Variants in FLT4 observed in about 807,000 individuals in gnomAD.
The protein encoded by FLT4 is fms related receptor tyrosine kinase 4.
A neutral mutation model predicts 163.2 loss-of-function variants in FLT4; 30 were observed. The observed-to-expected ratio is 0.18, with a 90% CI of 0.14 to 0.25. The LOEUF (loss-of-function observed/expected upper bound fraction) is 0.25, where lower values mean the gene tolerates loss of function less well. Ranked by LOEUF, FLT4 falls within the 10% of genes least tolerant of loss-of-function variation. The pLI is 1.00. For synonymous variants in FLT4, 884 were observed against 789.5 expected (o/e 1.12, Z -2.01); for missense variants, 1,510 against 1,863.8 (o/e 0.81, Z 3.50).
At chr5:180,629,562 A>G in intron 6 of FLT4, 134 bp downstream of exon 6, 1 of 1,447,882 alleles carries the variant, frequency 6.9e-7, no homozygotes, top group Non-Finnish European at 9.5e-7. Flanking sequence ...CTTTGGGTGG[A>G]ACACTTGCCA....
rs1221970773 is a variant in FLT4 at position 180,612,961 on chromosome 5, C to A, written c.3431+50G>T. ...CCTTCTCATGGACACAACCCCCACG[C>A]CCCCGACGCTTGCTGTCCCCAAAAC... On this transcript the variant is annotated intron_variant, in intron 25 of 29. Transcript: ENST00000261937. 3.5e-6 allele frequency: 5 copies of A among 1,425,366 alleles called. No homozygotes were observed. In the Middle Eastern group the frequency reaches 7.2e-4, roughly 207 times the overall value. 88.3% of individuals were successfully genotyped at this position (1,425,366 alleles called of 1,614,324 possible).
chr5:180,639,378 G>GAT (rs1167892934), intron 1 of FLT4, among the ~76,000 whole-genome samples: 1 of 99,912 alleles, frequency 1.0e-5, no homozygotes, highest in East Asian at 2.9e-4. Context: ...TGAGTGGATG[G>GAT]GTGGATGGAT....
chr5:180,609,936 G>A lies in FLT4; in HGVS notation c.3776C>T (p.Pro1259Leu), dbSNP rs1762041761. Residue 1259 changes from proline to leucine, a missense_variant, in exon 28 of 30, where the codon CCC (proline) becomes CTC (leucine). Physicochemically the swap from Pro to Leu is moderately conservative, Grantham distance 98 (BLOSUM62 -3). Transcript: ENST00000261937. ...GCCTTTGTAGGTCGTTGGGGTCATG[G>A]GGAATTCCTCAAATGTCTTCATCCT... is the stretch of plus-strand genomic sequence containing the variant. ...SSRMKTFEEF[P>L]MTPTTYKGSV... 1.2e-6 allele frequency: 2 copies of A among 1,614,052 alleles called. No homozygotes were observed. The highest frequency in any genetic ancestry group is 2.7e-5 in the African/African-American group (2 of 74,924).
At chr5:180,613,984 C>A (rs1430883976) in intron 24 of FLT4, 84 bp downstream of exon 24, 1 of 955,138 alleles carries the variant, frequency 1.0e-6, no homozygotes, top group Non-Finnish European at 1.7e-6. Context: ...GGTGCCCAGT[C>A]CCTTACTCCA....
chr5:180,631,325 T>G (rs1017657841), intron 2 of FLT4, among the ~76,000 whole-genome samples: 3 of 151,936 alleles, frequency 2.0e-5, no homozygotes, highest in African/African-American at 7.2e-5. Flanking sequence ...TACAAAAAAT[T>G]AGCCGGGCGT....
chr5:180,602,402 G>A lies in FLT4; in HGVS notation c.*790C>T, dbSNP rs969980070. 4 of 372,588 alleles carry A rather than the reference G, an allele frequency of 1.1e-5. No homozygotes were observed. The highest frequency in any genetic ancestry group is 2.1e-5 in the African/African-American group (1 of 48,220). 23.1% of individuals were successfully genotyped at this position (372,588 alleles called of 1,614,324 possible). ...TCTGCTGGCCTTGACCTGGGGCGGG[G>A]GTCAGAGTCATCTAGACTCAGTACA... On this transcript the variant is annotated 3_prime_UTR_variant, in exon 30 of 30. Transcript: ENST00000261937.
At position 180,644,320 on chromosome 5, in the gene FLT4, G is replaced by A. The variant is rs368202701; in HGVS notation, c.58+5168C>T. 2.4e-4 allele frequency among the ~76,000 whole-genome samples: 36 copies of A among 152,360 alleles called. No homozygotes were observed. The South Asian group carries it at 3.5e-3, about 15-fold the overall frequency. ...CCGGGAGGGTGGAGAGGCTGTGCAC[G>A]GAGGGGCACGCCGGGCGTGTGGTGG... On this transcript the variant is annotated intron_variant, in intron 1 of 29. Transcript: ENST00000261937.
Position 180,629,318 on chromosome 5 carries a change from A to G in FLT4, c.926T>C (p.Val309Ala), listed in dbSNP as rs763486891. ...NVSQHDLGSY[V>A]CKANNGIQRF... ...CTGGATGCCGTTGTTGGCCTTGCAC[A>G]CATACGAGCCCAGGTCGTGCTGGCT... is the stretch of plus-strand genomic sequence containing the variant. Residue 309 changes from valine to alanine, a missense_variant, in exon 7 of 30, where the codon GTG (valine) becomes GCG (alanine). Val to Ala is a moderately conservative substitution (Grantham distance 64). This residue lies in a region of FLT4 where 163 missense variants were observed against 281.1 expected (regional missense o/e 0.58). Transcript: ENST00000261937. 1.9e-6 allele frequency: 3 copies of G among 1,613,196 alleles called. No homozygotes were observed. The South Asian group carries it at 3.3e-5, about 18-fold the overall frequency.
intron 1 of FLT4, among the ~76,000 whole-genome samples, chr5:180,641,439 A>G (rs1765090413): frequency 6.6e-6 from 1 of 152,110 alleles, no homozygotes; most frequent in East Asian, 1.9e-4. Context: ...GAAGACGGGG[A>G]CTGTGTGGCA....
rs1764853881 is a variant in FLT4 at position 180,638,495 on chromosome 5, G to A, written c.59-6717C>T. Among the ~76,000 whole-genome samples the A allele has an allele frequency of 2.0e-5, 3 of 152,196 alleles. No individual in the cohort carries two copies. In the South Asian group the frequency reaches 6.2e-4, roughly 32 times the overall value. ...CCCGCTCTTGTCGTCCTCCAGGCCT[G>A]CCTCTGGGCCCCGCTCCCTGCAGTG... On this transcript the variant is annotated intron_variant, in intron 1 of 29. Transcript: ENST00000261937.
At position 180,626,640 on chromosome 5, in the gene FLT4, G is replaced by A. The variant is rs563958238; in HGVS notation, c.1104-375C>T. Among the ~76,000 whole-genome samples the A allele has an allele frequency of 6.0e-4, 91 of 152,314 alleles. 1 individual carries two copies. Among genetic ancestry groups the A allele is most frequent in the African/African-American group, 2.0e-3 (82 of 41,574 alleles). ...AGCCTTCTTCAGCCAGGCTTGCCCA[G>A]CCCAGCCCAGGAGGGTCCCACACAC... On this transcript the variant is annotated intron_variant, in intron 8 of 29. Transcript: ENST00000261937.
At chr5:180,612,398 C>A (rs963509867) in intron 26 of FLT4, 108 bp downstream of exon 26, 18 of 815,630 alleles carry the variant, frequency 2.2e-5, no homozygotes, top group Non-Finnish European at 3.9e-5. Context: ...CCTAGCCTAG[C>A]AGCTGAGAGG....
At chr5:180,639,029 GGGTGGGTA>G (rs1473458365) in intron 1 of FLT4, among the ~76,000 whole-genome samples, 1 of 139,356 alleles carries the variant, frequency 7.2e-6, no homozygotes, top group East Asian at 2.6e-4. Flanking sequence ...ATGGGTGGGT[GGGTGGGTA>G]GGTGGGTAGA....
At chr5:180,629,580 CG>C in intron 6 of FLT4, 115 bp downstream of exon 6, 1 of 1,466,692 alleles carries the variant, frequency 6.8e-7, no homozygotes, top group Non-Finnish European at 9.3e-7. Context: ...CCACTCAGAC[CG>C]GGGCCCCTGG....
chr5:180,620,440 A>G lies in FLT4; in HGVS notation c.2407-132T>C. 5.2e-6 allele frequency: 7 copies of G among 1,334,480 alleles called. No individual in the cohort carries two copies. Among genetic ancestry groups the G allele is most frequent in the Non-Finnish European group, 7.5e-6 (7 of 936,726 alleles). The allele number at this position is 1,334,480 out of a possible 1,614,324, so 82.7% of individuals were successfully genotyped here. A position where few individuals can be genotyped will look rare whatever the true frequency, so the allele number is the denominator to read the frequency against. On this transcript the variant is annotated intron_variant, in intron 16 of 29. Coordinates refer to ENST00000261937, the MANE Select transcript of FLT4 (RefSeq NM_182925.5). The surrounding 1 kb of genome is among the most constrained non-coding windows in gnomAD (Gnocchi z 4.4). Reference sequence around the variant, plus strand: ...TCAGTCAAGGAGGGGACAGAAAAAAAGACAGACAACCTCTGCGGGGTTGGA... The same window carrying G: ...TCAGTCAAGGAGGGGACAGAAAAAAGGACAGACAACCTCTGCGGGGTTGGA...
rs1444764146 is a variant in FLT4, at chr5:180,603,127, TCCAGCC to T, written c.*59_*64del. ...ACCAGATGAGTTCCCAGCCTGGGCC[TCCAGCC>T]CTCTGCCCGCCCTGCCGGGCCTGAA... On this transcript the variant is annotated 3_prime_UTR_variant, in exon 30 of 30. Coordinates refer to ENST00000261937, the MANE Select transcript of FLT4 (RefSeq NM_182925.5). 2.0e-6 allele frequency: 3 copies of T among 1,527,100 alleles called. No homozygotes were observed. In the Admixed American group the frequency reaches 5.2e-5, roughly 26 times the overall value. The allele number at this position is 1,527,100 out of a possible 1,614,324, so 94.6% of individuals were successfully genotyped here. A position where few individuals can be genotyped will look rare whatever the true frequency, so the allele number is the denominator to read the frequency against.
At chr5:180,628,053 G>T (rs1407396336) in intron 8 of FLT4, among the ~76,000 whole-genome samples, 1 of 152,186 alleles carries the variant, frequency 6.6e-6, no homozygotes. Flanking sequence ...TCCAGGAAAA[G>T]TTGCCCTGCC....
rs757391008 is a variant in FLT4, at chr5:180,619,777, G to A, written c.2543-8C>T. The A allele has an allele frequency of 3.7e-6, 6 of 1,606,784 alleles. No homozygotes were observed. The South Asian group carries it at 5.5e-5, about 15-fold the overall frequency. ...CGTAGCCGAGCACTCTCCCTGTCGG[G>A]GCAGGGGGCCAGTTGCAGGTGAGCT... On this transcript the variant is annotated splice_polypyrimidine_tract_variant and splice_region_variant and intron_variant, in intron 17 of 29. Transcript: ENST00000261937.
In FLT4 at chr5:180,614,242, T is replaced by C. The variant is rs2934600; in HGVS notation, c.3220-63A>G. On this transcript the variant is annotated intron_variant, in intron 23 of 29. Transcript: ENST00000261937. The stretch of plus-strand genomic sequence containing the variant: ...GGGAGACGGAGGGAAGCGTGTCCCG[T>C]GGTGGATGGGGAGACGGAGGGAAGC... 5.2e-3 allele frequency: 3,367 copies of C among 649,946 alleles called. 62 individuals are homozygous for C. In the African/African-American group the frequency reaches 0.062, roughly 12 times the overall value. 40.3% of individuals were successfully genotyped at this position (649,946 alleles called of 1,614,324 possible). A position where few individuals can be genotyped will look rare whatever the true frequency, so the allele number is the denominator to read the frequency against.
Sources: allele counts gnomAD v4.1 joint callset (sites outside exome capture counted in the v4.1 genomes callset), GRCh38; gene constraint gnomAD v4.1.1; regional missense constraint gnomAD v4.1.1; non-coding constraint Gnocchi (gnomAD v3.1); transcripts MANE v1.5; gene names NCBI Gene and HGNC (gene_info 2026-07-23, HGNC 2026-07-21).